Variants in MYLK observed in about 807,000 individuals in gnomAD.
The protein encoded by MYLK is myosin light chain kinase, smooth muscle.
A neutral mutation model predicts 203.4 loss-of-function variants in MYLK; 106 were observed. The observed-to-expected ratio is 0.52, with a 90% CI of 0.45 to 0.61. The LOEUF is 0.61. Among genes scored for constraint, MYLK ranks in the 20% least tolerant of loss-of-function variants. The pLI, the probability that MYLK is intolerant of heterozygous loss-of-function variation, is 0.00. For missense variants in MYLK, 2,072 were observed against 2,442.3 expected, an observed-to-expected ratio of 0.85 and a Z score of 3.20; for synonymous variants, 867 against 959.5, an observed-to-expected ratio of 0.90 and a Z score of 1.78.
At chr3:123,686,396 G>A (rs2060458910) in intron 19 of MYLK, among the ~76,000 whole-genome samples, 1 of 149,138 alleles carries the variant, frequency 6.7e-6, no homozygotes, top group Admixed American at 6.7e-5. Context: ...TCTCCCCCAA[G>A]AGGCTGGTTC....
In MYLK at chr3:123,713,578, A is replaced by AATGT. The variant is rs879793640; in HGVS notation, c.1805-3689_1805-3686dup. Among the ~76,000 whole-genome samples the AATGT allele has an allele frequency of 6.0e-3, 450 of 74,792 alleles. 3 individuals carry two copies. The highest frequency in any genetic ancestry group is 0.038 in the South Asian group (60 of 1,582). The allele number at this position is 74,792 out of a possible 152,430, so 49.1% of individuals were successfully genotyped here. A position where few individuals can be genotyped will look rare whatever the true frequency, so the allele number is the denominator to read the frequency against. ...ACAAGCCAGGTGAAAAGAGCAACAC[A>AATGT]ATGTGTGTGTGTGTGTGTGTGTGTG... On this transcript the variant is annotated intron_variant, in intron 13 of 33. Coordinates refer to ENST00000360304, the MANE Select transcript of MYLK (RefSeq NM_053025.4).
chr3:123,620,523 G>A (rs1409032936), intron 31 of MYLK, 187 bp from the exon 32 acceptor site: 2 of 1,450,796 alleles, frequency 1.4e-6, no homozygotes, highest in African/African-American at 1.4e-5. Flanking sequence ...CTGTCAGTGT[G>A]TCAGAAGATG....
At chr3:123,831,490 C>T (rs998107982) in intron 3 of MYLK, 58 bp downstream of exon 3, 1 of 1,219,274 alleles carries the variant, frequency 8.2e-7, no homozygotes, top group African/African-American at 1.6e-5. Context: ...TCTGCAGCCT[C>T]CCCAGGGTGG....
intron 19 of MYLK, among the ~76,000 whole-genome samples, chr3:123,688,593 G>A (rs1308290221): frequency 1.3e-5 from 2 of 152,064 alleles, no homozygotes; most frequent in Admixed American, 1.3e-4. Context: ...ATAACACTTA[G>A]AATAAAATCT....
intron 11 of MYLK, 68 bp downstream of exon 11, chr3:123,732,828 G>A: frequency 6.7e-7 from 1 of 1,486,372 alleles, no homozygotes; most frequent in South Asian, 1.2e-5. Flanking sequence ...ACCATCTGCA[G>A]AAGGTGAAGC....
Position 123,645,081 on chromosome 3 carries a change from C to A in MYLK, c.4619+2143G>T, listed in dbSNP as rs112341648. ...AAAAGTATTTTTAAGTGGAAAAAAA[C>A]CAGGATACAAAAAAAGTCAATGTAT... On this transcript the variant is annotated intron_variant, in intron 27 of 33. Transcript: ENST00000360304. 5.8e-3 allele frequency among the ~76,000 whole-genome samples: 875 copies of A among 152,170 alleles called. 12 individuals carry two copies. The highest frequency in any genetic ancestry group is 0.02 in the African/African-American group (841 of 41,502).
chr3:123,880,922 C>A (rs1247661698), intron 1 of MYLK, among the ~76,000 whole-genome samples: 1 of 152,204 alleles, frequency 6.6e-6, no homozygotes, highest in African/African-American at 2.4e-5. Context: ...AGGGATGCAC[C>A]TGTTGGCCCG....
rs1447357645 is a variant in MYLK at position 123,618,850 on chromosome 3, T to TTTAA, written c.5369-81_5369-80insTTAA. ...CCTCTAGCTTAAAGAAACTAACTTT[T>TTTAA]AAAAAAGTTGCTATGATTTAGCAAA... is the stretch of plus-strand genomic sequence containing the variant. On this transcript the variant is annotated intron_variant, in intron 32 of 33. Coordinates refer to ENST00000360304, the MANE Select transcript of MYLK (RefSeq NM_053025.4). 3 of 1,583,982 alleles carry TTTAA rather than the reference T, an allele frequency of 1.9e-6. No homozygotes were observed. The African/African-American group carries it at 4.1e-5, about 21-fold the overall frequency.
rs1160803035 is a variant in MYLK at position 123,648,961 on chromosome 3, C to T, written c.4415+10G>A. ...CTGGGAGCCCAGAGGCAACTTCCCA[C>T]TCCACTTACGATCCTAATCTCTCCT... is the stretch of plus-strand genomic sequence containing the variant. On this transcript the variant is annotated intron_variant, in intron 26 of 33. Transcript: ENST00000360304. This position sits in a 1 kb window ranked among gnomAD's most constrained non-coding sequence, Gnocchi z 4.5. 24 of 1,613,618 alleles carry T rather than the reference C, an allele frequency of 1.5e-5. No homozygotes were observed. The highest frequency in any genetic ancestry group is 2.0e-5 in the Non-Finnish European group (24 of 1,179,668).
chr3:123,684,300 ACTC>A (rs1261704844), intron 19 of MYLK, among the ~76,000 whole-genome samples: 1 of 151,312 alleles, frequency 6.6e-6, no homozygotes, highest in Non-Finnish European at 1.5e-5. Flanking sequence ...CCAACAGAAA[ACTC>A]CTCGTCTCTC....
At chr3:123,669,633 A>G (rs1329065758) in intron 20 of MYLK, among the ~76,000 whole-genome samples, 1 of 152,124 alleles carries the variant, frequency 6.6e-6, no homozygotes, top group Non-Finnish European at 1.5e-5. Context: ...CAACTTTCAA[A>G]CTGTTCATGG....
chr3:123,761,876 A>C (rs1576883788), intron 4 of MYLK, among the ~76,000 whole-genome samples: 1 of 152,042 alleles, frequency 6.6e-6, no homozygotes, highest in African/African-American at 2.4e-5. Flanking sequence ...AAATACAAAA[A>C]ATCAGCTGGG....
chr3:123,624,948 G>A (rs1478955088), intron 31 of MYLK: 1 of 152,230 alleles, frequency 6.6e-6, no homozygotes, highest in Non-Finnish European at 1.5e-5. Context: ...GTCACCTGGT[G>A]TGGTAAATGA....
intron 3 of MYLK, among the ~76,000 whole-genome samples, chr3:123,819,882 T>C (rs2065867345): frequency 6.6e-6 from 1 of 150,512 alleles, no homozygotes; most frequent in East Asian, 2.0e-4. Flanking sequence ...TCATCTCTCC[T>C]TACATCCCAT....
rs1395476392 is a variant in MYLK at position 123,611,504 on chromosome 3, T to G, written c.*2601A>C. 6.6e-6 allele frequency: 1 copy of G among 152,096 alleles called. No individual in the cohort carries two copies. The highest frequency in any genetic ancestry group is 6.6e-5 in the Admixed American group (1 of 15,262). 9.4% of individuals were successfully genotyped at this position (152,096 alleles called of 1,614,324 possible). ...AAAATGTCATATAGATTTTAGCATC[T>G]TGAGGACCTGATACTCTGTAACAGT... is the stretch of plus-strand genomic sequence containing the variant. On this transcript the variant is annotated 3_prime_UTR_variant, in exon 34 of 34. Coordinates refer to ENST00000360304, the MANE Select transcript of MYLK (RefSeq NM_053025.4).
At chr3:123,661,985 C>T (rs771263725) in intron 23 of MYLK, among the ~76,000 whole-genome samples, 3 of 152,194 alleles carry the variant, frequency 2.0e-5, no homozygotes, top group Non-Finnish European at 4.4e-5. Context: ...CCTTTATCCT[C>T]GTGTCTTCCT....
intron 19 of MYLK, among the ~76,000 whole-genome samples, chr3:123,687,955 A>G (rs1459543326): frequency 6.6e-6 from 1 of 152,084 alleles, no homozygotes; most frequent in East Asian, 1.9e-4. Flanking sequence ...GTGAGCCACC[A>G]CACCTGGCCT....
At chr3:123,675,715 G>C (rs766427066) in intron 20 of MYLK, among the ~76,000 whole-genome samples, 9 of 152,032 alleles carry the variant, frequency 5.9e-5, no homozygotes, top group East Asian at 1.9e-4. Context: ...TCTGCCAAAG[G>C]CTCCTGAAAA....
chr3:123,858,374 A>G (rs2031597921), intron 2 of MYLK, among the ~76,000 whole-genome samples: 1 of 152,202 alleles, frequency 6.6e-6, no homozygotes, highest in Admixed American at 6.5e-5. Flanking sequence ...ACAGCCTGAG[A>G]TAGCCATAGG....
Sources: gnomAD v4.1 joint callset for allele counts (sites outside exome capture counted in the v4.1 genomes callset) on GRCh38, gnomAD v4.1.1 for gene constraint, Gnocchi (gnomAD v3.1) non-coding constraint, MANE v1.5 for transcripts, NCBI Gene and HGNC (gene_info 2026-07-23, HGNC 2026-07-21) for gene names.